POLA1: variants seen among roughly 807,000 people sequenced by gnomAD.
POLA1 encodes the protein DNA polymerase alpha catalytic subunit.
POLA1 carries 15 observed loss-of-function variants against 124.0 expected under a neutral mutation model. The observed-to-expected ratio is 0.12, with a 90% CI of 0.08 to 0.19. The LOEUF (loss-of-function observed/expected upper bound fraction) is 0.19. POLA1 is among the 10% of genes least tolerant of loss of function. The pLI is 1.00. For synonymous variants in POLA1, 408 were observed against 389.4 expected (o/e 1.05, Z -0.56); for missense variants, 886 against 1,103.4 (o/e 0.80, Z 2.79).
chrX:24,911,662 A>C (rs2047450658), intron 35 of POLA1, among the ~76,000 whole-genome samples: 1 of 111,328 alleles, frequency 9.0e-6, no homozygotes, highest in Non-Finnish European at 1.9e-5. Flanking sequence ...ATGAAACTAA[A>C]ATCTGTATTT....
chrX:24,715,285 T>C, intron 6 of POLA1, 82 bp downstream of exon 6: 1 of 637,760 alleles, frequency 1.6e-6, no homozygotes, highest in South Asian at 2.8e-5. Context: ...AAACAGACTA[T>C]TGCCAGAATT....
chrX:24,909,148 T>C, intron 35 of POLA1, among the ~76,000 whole-genome samples: 1 of 112,245 alleles, frequency 8.9e-6, no homozygotes, highest in African/African-American at 3.2e-5. Flanking sequence ...CTTTGTCAGA[T>C]GAGTAGATTG....
rs778108337 is a variant in POLA1 at position 24,693,930 on chromosome X, C to A, written c.-32C>A. 2 of 1,179,405 alleles carry A rather than the reference C, an allele frequency of 1.7e-6. No homozygotes were observed. The highest frequency in any genetic ancestry group is 3.5e-5 in the African/African-American group (2 of 56,822). ...TCTCGGCCCCCGCGCCAGTTTTGGG[C>A]TGGTTGGCGCGGAATCGGGAGATTC... On this transcript the variant is annotated 5_prime_UTR_variant, in exon 1 of 37. It adds an upstream start codon to the 5' untranslated region. Transcript: ENST00000379068.
At chrX:24,935,147 T>G (rs915385451) in intron 36 of POLA1, among the ~76,000 whole-genome samples, 5 of 111,752 alleles carry the variant, frequency 4.5e-5, no homozygotes, top group African/African-American at 1.6e-4. Context: ...CATTTTAACT[T>G]AATTCTTTAA....
chrX:24,739,230 A>G (rs1297667624), intron 19 of POLA1, 145 bp from the exon 20 acceptor site: 4 of 452,577 alleles, frequency 8.8e-6, no homozygotes, highest in Non-Finnish European at 1.1e-5. Flanking sequence ...TGTCAGATAC[A>G]TAGTAAATGT....
intron 8 of POLA1, 107 bp downstream of exon 8, chrX:24,717,078 CA>C (rs1328555746): frequency 1.0e-5 from 6 of 577,296 alleles, no homozygotes; most frequent in Non-Finnish European, 1.7e-5. Context: ...GTTGTGATGG[CA>C]AGTTTAAATG....
At chrX:24,793,110 C>G (rs145478800) in intron 26 of POLA1, among the ~76,000 whole-genome samples, 3 of 108,987 alleles carry the variant, frequency 2.8e-5, no homozygotes, top group African/African-American at 1.0e-4. Flanking sequence ...AACCCCATCT[C>G]TACGAAAAAT....
chrX:24,841,877 C>G lies in POLA1; in HGVS notation c.3915+47C>G, dbSNP rs1238275053. ...TTTTGTGAGTGAACTTGTATAAAGGCCTTACCCCCTTCCCCCACTATGGGG... is the reference window on the plus strand; with the variant it reads ...TTTTGTGAGTGAACTTGTATAAAGGGCTTACCCCCTTCCCCCACTATGGGG... On this transcript the variant is annotated intron_variant, in intron 33 of 36. Transcript: ENST00000379068. 5.3e-6 allele frequency: 5 copies of G among 942,710 alleles called. No individual in the cohort carries two copies. The South Asian group carries it at 8.8e-5, about 17-fold the overall frequency. 77.7% of individuals were successfully genotyped at this position (942,710 alleles called of 1,213,427 possible).
chrX:24,726,818 A>G, intron 13 of POLA1, 115 bp from the exon 14 acceptor site: 2 of 480,286 alleles, frequency 4.2e-6, no homozygotes, highest in Non-Finnish European at 6.8e-6. Context: ...TATATATCAA[A>G]GGGGTTTTCT....
chrX:24,695,328 C>T (rs748401810), intron 1 of POLA1, among the ~76,000 whole-genome samples: 2 of 109,709 alleles, frequency 1.8e-5, no homozygotes, highest in South Asian at 3.9e-4. Flanking sequence ...AAGTTACCTA[C>T]GTGAAGCATT....
At chrX:24,885,404 C>T (rs1402019300) in intron 34 of POLA1, among the ~76,000 whole-genome samples, 1 of 111,907 alleles carries the variant, frequency 8.9e-6, no homozygotes, top group African/African-American at 3.2e-5. Flanking sequence ...CTAGTCTTAC[C>T]TTTAGTGTTT....
Position 24,826,570 on chromosome X carries a change from A to C in POLA1, c.3705A>C (p.Gly1235=). The C allele has an allele frequency of 8.3e-7, 1 of 1,206,322 alleles. No homozygotes were observed. Among genetic ancestry groups the C allele is most frequent in the Middle Eastern group, 2.3e-4 (1 of 4,334 alleles). ...VVARICEPID[G]IDAVLIATWL... Reference sequence around the variant, plus strand: ...CTCGGATCTGTGAACCAATAGACGGAATTGATGCTGTCCTCATTGCAACGT... The same window carrying C: ...CTCGGATCTGTGAACCAATAGACGGCATTGATGCTGTCCTCATTGCAACGT... The change falls in exon 32 of 37, where the codon GGA becomes GGC. Residue 1235 remains glycine, a synonymous_variant. Coordinates refer to ENST00000379068, the MANE Select transcript of POLA1 (RefSeq NM_001330360.2).
At chrX:24,858,943 A>G in intron 34 of POLA1, among the ~76,000 whole-genome samples, 1 of 111,768 alleles carries the variant, frequency 8.9e-6, no homozygotes, top group Non-Finnish European at 1.9e-5. Context: ...CATTTTTTAT[A>G]CTGTACCTAG....
At chrX:24,710,852 G>C (rs1399456257) in intron 4 of POLA1, among the ~76,000 whole-genome samples, 2 of 110,171 alleles carry the variant, frequency 1.8e-5, no homozygotes, top group Non-Finnish European at 3.8e-5. Flanking sequence ...TTTTAGTAGA[G>C]ACCGGGTTTC....
intron 35 of POLA1, among the ~76,000 whole-genome samples, chrX:24,903,884 T>C (rs1243418663): frequency 9.1e-6 from 1 of 109,745 alleles, no homozygotes; most frequent in African/African-American, 3.3e-5. Context: ...CAGTAGCAGG[T>C]AGGTTAAAGA....
intron 26 of POLA1, among the ~76,000 whole-genome samples, chrX:24,780,755 G>A (rs1306861230): frequency 8.9e-6 from 1 of 111,823 alleles, no homozygotes; most frequent in African/African-American, 3.3e-5. Flanking sequence ...AGGAATATTG[G>A]TCTGAAATTT....
chrX:24,714,785 C>T (rs1929713967), intron 5 of POLA1, 116 bp downstream of exon 5: 1 of 452,570 alleles, frequency 2.2e-6, no homozygotes, highest in Admixed American at 4.4e-5. Flanking sequence ...TCCAATTTCA[C>T]TCACTAAGTT....
intron 26 of POLA1, chrX:24,788,706 G>A: frequency 8.3e-6 from 10 of 1,204,709 alleles, no homozygotes; most frequent in Non-Finnish European, 1.1e-5. Flanking sequence ...TGTGCAAGAC[G>A]TTCTTCCCTT....
At chrX:24,695,053 A>G (rs1265621955) in intron 1 of POLA1, among the ~76,000 whole-genome samples, 1 of 112,145 alleles carries the variant, frequency 8.9e-6, no homozygotes, top group Non-Finnish European at 1.9e-5. Context: ...AAACTACGTC[A>G]TCTATGAACA....
Sources: allele counts gnomAD v4.1 joint callset (sites outside exome capture counted in the v4.1 genomes callset), GRCh38; gene constraint gnomAD v4.1.1; transcripts MANE v1.5; gene names NCBI Gene and HGNC (gene_info 2026-07-23, HGNC 2026-07-21).